The following BAZ1B variants were observed in gnomAD, a reference collection of about 807,000 sequenced individuals.
The protein encoded by BAZ1B is bromodomain adjacent to zinc finger domain 1B.
A neutral mutation model predicts 153.8 loss-of-function variants in BAZ1B; 22 were observed. The ratio of observed to expected loss-of-function variants is 0.14; its 90% CI spans 0.10 to 0.20. BAZ1B has a LOEUF of 0.20. BAZ1B is among the 10% of genes least tolerant of loss of function. The pLI is 1.00. For missense variants in BAZ1B, 1,325 were observed against 1,799.3 expected (o/e 0.74, Z 4.77); for synonymous variants, 676 against 633.4 (o/e 1.07, Z -1.01).
intron 6 of BAZ1B, among the ~76,000 whole-genome samples, chr7:73,486,695 C>A (rs973599160): frequency 5.3e-5 from 8 of 152,138 alleles, no homozygotes. Context: ...GTACTCAGAG[C>A]CTGACAGAAC....
At chr7:73,483,945 CAACA>C (rs782756101) in intron 6 of BAZ1B, among the ~76,000 whole-genome samples, 11 of 152,260 alleles carry the variant, frequency 7.2e-5, no homozygotes, top group Admixed American at 2.6e-4. Context: ...CAGCCATACA[CAACA>C]AACAAACTTT....
At chr7:73,521,670 G>C (rs1554580229) in intron 1 of BAZ1B, among the ~76,000 whole-genome samples, 157 bp downstream of exon 1, 1 of 151,790 alleles carries the variant, frequency 6.6e-6, no homozygotes. Flanking sequence ...GGATCGGCGG[G>C]CGCAGGCTGA....
chr7:73,492,682 A>G (rs995647277), intron 5 of BAZ1B, 118 bp downstream of exon 5: 3 of 1,027,512 alleles, frequency 2.9e-6, no homozygotes, highest in Non-Finnish European at 2.8e-6. Flanking sequence ...AAAACCACTC[A>G]GAATCTGCTG....
chr7:73,513,148 TCAC>T (rs1313384513), intron 1 of BAZ1B, among the ~76,000 whole-genome samples: 4 of 152,144 alleles, frequency 2.6e-5, no homozygotes, highest in African/African-American at 9.7e-5. Flanking sequence ...AGTCAGGGTC[TCAC>T]CACATTGCCC....
At chr7:73,453,163 G>A (rs1422240257) in intron 13 of BAZ1B, among the ~76,000 whole-genome samples, 1 of 152,222 alleles carries the variant, frequency 6.6e-6, no homozygotes, top group Non-Finnish European at 1.5e-5. Context: ...AAAGAGCAGT[G>A]GAAAATTTCA....
intron 4 of BAZ1B, among the ~76,000 whole-genome samples, chr7:73,495,247 C>A (rs1316458478): frequency 1.3e-5 from 2 of 152,146 alleles, no homozygotes; most frequent in African/African-American, 4.8e-5. Context: ...CGTGCCACTG[C>A]GCTCCAGCCT....
intron 12 of BAZ1B, among the ~76,000 whole-genome samples, chr7:73,461,078 C>T (rs1468625096): frequency 3.9e-5 from 6 of 151,984 alleles, no homozygotes; most frequent in East Asian, 3.9e-4. Flanking sequence ...CGGGTTTAAG[C>T]GATTCTTCTG....
chr7:73,497,174 T>C (rs1481449484), intron 4 of BAZ1B, among the ~76,000 whole-genome samples: 2 of 151,528 alleles, frequency 1.3e-5, no homozygotes, highest in Non-Finnish European at 2.9e-5. Context: ...GCCAGGAATG[T>C]CGAGGCTGCA....
intron 9 of BAZ1B, among the ~76,000 whole-genome samples, chr7:73,468,550 A>C (rs1469537149): frequency 6.6e-6 from 1 of 152,114 alleles, no homozygotes; most frequent in African/African-American, 2.4e-5. Flanking sequence ...CAATACATAC[A>C]CTTTAAGAAA....
Position 73,477,365 on chromosome 7 carries a change from G to C in BAZ1B, c.2096C>G (p.Ser699Cys), listed in dbSNP as rs1202929807. ...SELVRLCLRR[S>C]DVQEESEGSD... ...GCCCTCGCTTTCCTCCTGAACATCA[G>C]ATCTGCGCAAGCAGAGCCGCACCAG... is the stretch of plus-strand genomic sequence containing the variant. The change falls in exon 7 of 20, where the codon TCT becomes TGT. Residue 699 changes from serine to cysteine, a missense_variant. Ser to Cys is a moderately radical substitution (Grantham distance 112). Around this residue, in one of 9 missense-constraint regions of BAZ1B, gnomAD observed 431 missense variants for 563.5 expected, o/e 0.76. Transcript: ENST00000339594. The surrounding 1 kb of genome is among the most constrained non-coding windows in gnomAD (Gnocchi z 5.6). The C allele has an allele frequency of 6.2e-7, 1 of 1,614,232 alleles. No individual in the cohort carries two copies. Among genetic ancestry groups the C allele is most frequent in the East Asian group, 2.2e-5 (1 of 44,888 alleles).
At chr7:73,456,818 C>A (rs998708925) in intron 13 of BAZ1B, among the ~76,000 whole-genome samples, 2 of 151,282 alleles carry the variant, frequency 1.3e-5, no homozygotes, top group African/African-American at 2.4e-5. Flanking sequence ...TGGTGGTGCA[C>A]GCCTATAGTC....
intron 11 of BAZ1B, chr7:73,464,244 C>T: frequency 1.2e-6 from 1 of 807,092 alleles, no homozygotes; most frequent in Non-Finnish European, 1.5e-6. Flanking sequence ...TGAGAGGAGG[C>T]ATTAAGCCAA....
At chr7:73,455,095 C>T (rs1312719460) in intron 13 of BAZ1B, among the ~76,000 whole-genome samples, 2 of 151,800 alleles carry the variant, frequency 1.3e-5, no homozygotes, top group African/African-American at 4.8e-5. Context: ...CCATGTTGGC[C>T]AGGCTGGTCT....
At chr7:73,452,488 C>T (rs567117559) in intron 13 of BAZ1B, among the ~76,000 whole-genome samples, 1 of 152,220 alleles carries the variant, frequency 6.6e-6, no homozygotes, top group South Asian at 2.1e-4. Context: ...CTTTGGGAGG[C>T]CGAGGCGGGC....
chr7:73,460,003 T>C (rs1243284048), intron 12 of BAZ1B, among the ~76,000 whole-genome samples: 1 of 152,064 alleles, frequency 6.6e-6, no homozygotes, highest in Non-Finnish European at 1.5e-5. Context: ...AAGACCACTT[T>C]GGCCAACATG....
In BAZ1B at chr7:73,442,054, GA is replaced by G; in HGVS notation, c.*15+126del. ...TATCAAGCCCCATAAAGAGCTTTTA[GA>G]AAAACAGCATAAGCTTGGGATGACA... On this transcript the variant is annotated intron_variant, in intron 19 of 19. Transcript: ENST00000339594. The G allele has an allele frequency of 5.7e-6, 4 of 701,602 alleles. No individual in the cohort carries two copies. The South Asian group carries it at 7.5e-5, about 13-fold the overall frequency. 43.5% of individuals were successfully genotyped at this position (701,602 alleles called of 1,614,324 possible).
intron 6 of BAZ1B, among the ~76,000 whole-genome samples, chr7:73,481,811 G>A (rs1466406936): frequency 1.3e-5 from 2 of 152,154 alleles, no homozygotes; most frequent in Non-Finnish European, 2.9e-5. Flanking sequence ...GCTGAGGCGG[G>A]CAGATCACGA....
chr7:73,520,809 C>T (rs1438026109), intron 1 of BAZ1B, among the ~76,000 whole-genome samples: 2 of 152,214 alleles, frequency 1.3e-5, no homozygotes, highest in Non-Finnish European at 2.9e-5. Flanking sequence ...GAAATGAAGT[C>T]CTTCCGAACA....
At chr7:73,481,763 C>T (rs969695209) in intron 6 of BAZ1B, among the ~76,000 whole-genome samples, 3 of 151,934 alleles carry the variant, frequency 2.0e-5, no homozygotes, top group South Asian at 4.2e-4. Context: ...TGTTGCCGGG[C>T]GGGGTGGCTC....
Sources: allele counts gnomAD v4.1 joint callset (sites outside exome capture counted in the v4.1 genomes callset), GRCh38; gene constraint gnomAD v4.1.1; regional missense constraint gnomAD v4.1.1; non-coding constraint Gnocchi (gnomAD v3.1); transcripts MANE v1.5; gene names NCBI Gene and HGNC (gene_info 2026-07-23, HGNC 2026-07-21).